The following KIAA1549L variants were observed in gnomAD, a reference collection of about 807,000 sequenced individuals.
KIAA1549L encodes UPF0606 protein KIAA1549L.
A neutral mutation model predicts 160.7 loss-of-function variants in KIAA1549L; 88 were observed. That is an observed-to-expected ratio of 0.55 (90% CI 0.46 to 0.65). The LOEUF is 0.65. Among genes scored for constraint, KIAA1549L ranks in the 30% least tolerant of loss-of-function variants. KIAA1549L has a pLI of 0.00. For synonymous variants in KIAA1549L, 950 were observed against 976.7 expected, an observed-to-expected ratio of 0.97 and a Z score of 0.51; for missense variants, 2,258 against 2,437.5, an observed-to-expected ratio of 0.93 and a Z score of 1.55.
At chr11:33,456,240 T>C (rs961719258) in intron 1 of KIAA1549L, among the ~76,000 whole-genome samples, 2 of 152,202 alleles carry the variant, frequency 1.3e-5, no homozygotes, top group East Asian at 1.9e-4. Context: ...TAATTAATTT[T>C]TCCCCCTAGG....
Position 33,514,160 on chromosome 11 carries a change from T to C in KIAA1549L, c.239-27642T>C, listed in dbSNP as rs113616227. The stretch of plus-strand genomic sequence containing the variant: ...TGGAGGAATCTGGTCTACCTAAAGA[T>C]TGACAACCTGGAAAAGCACCAGAGG... On this transcript the variant is annotated intron_variant, in intron 1 of 20. Transcript: ENST00000658780. Among the ~76,000 whole-genome samples, 1,043 of 152,282 alleles carry C rather than the reference T, an allele frequency of 6.8e-3. 8 individuals are homozygous for C. Among genetic ancestry groups the C allele is most frequent in the South Asian group, 0.014 (67 of 4,820 alleles).
chr11:33,389,763 T>G (rs1314323719), intron 1 of KIAA1549L, among the ~76,000 whole-genome samples: 1 of 152,248 alleles, frequency 6.6e-6, no homozygotes, highest in East Asian at 1.9e-4. Context: ...GGTACAACAG[T>G]TCACGGTTGT....
chr11:33,457,967 G>A (rs1384368535), intron 1 of KIAA1549L, among the ~76,000 whole-genome samples: 2 of 152,176 alleles, frequency 1.3e-5, no homozygotes, highest in Non-Finnish European at 2.9e-5. Context: ...CCCAGGACCC[G>A]AGTTCCATGT....
intron 1 of KIAA1549L, among the ~76,000 whole-genome samples, chr11:33,488,647 C>T (rs73487021): frequency 0.017 from 2,526 of 152,228 alleles, 57 homozygotes; most frequent in African/African-American, 0.057. Flanking sequence ...AATTAACTTG[C>T]CTACTAAGAT....
At chr11:33,434,821 C>A (rs1195343526) in intron 1 of KIAA1549L, among the ~76,000 whole-genome samples, 1 of 152,136 alleles carries the variant, frequency 6.6e-6, no homozygotes, top group African/African-American at 2.4e-5. Context: ...GCCACTGGAC[C>A]CCTAGAAATT....
At chr11:33,428,339 A>T (rs1165307199) in intron 1 of KIAA1549L, among the ~76,000 whole-genome samples, 1 of 150,410 alleles carries the variant, frequency 6.6e-6, no homozygotes, top group Non-Finnish European at 1.5e-5. Context: ...GTTCTAGGGT[A>T]CATGTGCACA....
intron 10 of KIAA1549L, among the ~76,000 whole-genome samples, chr11:33,577,923 G>C (rs1213825470): frequency 1.3e-5 from 2 of 152,142 alleles, no homozygotes; most frequent in Non-Finnish European, 2.9e-5. Flanking sequence ...TAACACTTCT[G>C]TTCCGGCCAT....
intron 1 of KIAA1549L, among the ~76,000 whole-genome samples, chr11:33,485,576 T>C (rs751546138): frequency 2.0e-5 from 3 of 152,238 alleles, no homozygotes; most frequent in African/African-American, 4.8e-5. Flanking sequence ...TATGTATACA[T>C]TGTGGAATGA....
In KIAA1549L at chr11:33,667,931, C is replaced by T; in HGVS notation, c.6218C>T (p.Pro2073Leu). Residue 2073 changes from proline (P) to leucine (L), a missense_variant, in exon 21 of 21, where the codon CCC (proline) becomes CTC (leucine). By Grantham distance (98) the Pro-to-Leu change is moderately conservative. Around this residue, in one of 6 missense-constraint regions of KIAA1549L, gnomAD observed 1,359 missense variants for 1,546.6 expected, o/e 0.88. Coordinates refer to ENST00000658780, the MANE Select transcript of KIAA1549L (RefSeq NM_012194.3). The stretch of plus-strand genomic sequence containing the variant: ...CGATCACGGTACCCCCAGAGCTCTC[C>T]CTCCAGGCTTCCTCGTCAGTACAGC... ...YPRSRYPQSS[P>L]SRLPRQYSQP... The T allele has an allele frequency of 6.2e-7, 1 of 1,613,784 alleles. No individual in the cohort carries two copies. Among genetic ancestry groups the T allele is most frequent in the Non-Finnish European group, 8.5e-7 (1 of 1,179,832 alleles).
At chr11:33,614,572 ATATATATATATATTT>A (rs1564924907) in intron 15 of KIAA1549L, among the ~76,000 whole-genome samples, 1 of 14,902 alleles carries the variant, frequency 6.7e-5, no homozygotes, top group African/African-American at 8.2e-4. Flanking sequence ...ATATATATAT[ATATATATATATATTT>A]TTTTTTTTTT....
intron 1 of KIAA1549L, among the ~76,000 whole-genome samples, chr11:33,465,500 C>T (rs1351226351): frequency 1.3e-5 from 2 of 152,168 alleles, no homozygotes; most frequent in African/African-American, 4.8e-5. Flanking sequence ...TTACAGCCTC[C>T]TGTAGATCTG....
chr11:33,588,169 T>A (rs1032775119), intron 11 of KIAA1549L, among the ~76,000 whole-genome samples: 3 of 152,212 alleles, frequency 2.0e-5, no homozygotes, highest in Non-Finnish European at 4.4e-5. Flanking sequence ...ATACTGTCTT[T>A]AGTACTGTGC....
intron 12 of KIAA1549L, among the ~76,000 whole-genome samples, chr11:33,594,735 G>T (rs1029254143): frequency 6.6e-6 from 1 of 152,146 alleles, no homozygotes; most frequent in Non-Finnish European, 1.5e-5. Flanking sequence ...AACAAATTAG[G>T]ACCAAGAGAT....
chr11:33,455,102 AAAC>A (rs1322518806), intron 1 of KIAA1549L, among the ~76,000 whole-genome samples: 2 of 152,174 alleles, frequency 1.3e-5, no homozygotes, highest in Non-Finnish European at 1.5e-5. Flanking sequence ...AAACAAAACA[AAAC>A]AAAACAAAAA....
At chr11:33,497,035 C>G (rs1030947245) in intron 1 of KIAA1549L, among the ~76,000 whole-genome samples, 1 of 152,146 alleles carries the variant, frequency 6.6e-6, no homozygotes, top group Non-Finnish European at 1.5e-5. Flanking sequence ...GCTACTACCC[C>G]TTACCACTCA....
chr11:33,616,499 C>T (rs1850812419), intron 15 of KIAA1549L, among the ~76,000 whole-genome samples: 1 of 152,122 alleles, frequency 6.6e-6, no homozygotes, highest in Admixed American at 6.5e-5. Context: ...CCCCAAGTGA[C>T]ATCATGATGC....
intron 1 of KIAA1549L, among the ~76,000 whole-genome samples, chr11:33,472,609 A>G (rs1852203964): frequency 6.6e-6 from 1 of 152,190 alleles, no homozygotes; most frequent in Non-Finnish European, 1.5e-5. Flanking sequence ...TTTCTGTTAC[A>G]GAGGCTCCTG....
Position 33,476,298 on chromosome 11 carries a change from C to T in KIAA1549L, c.239-65504C>T, listed in dbSNP as rs541226575. On this transcript the variant is annotated intron_variant, in intron 1 of 20. Transcript: ENST00000658780. ...ATGAATGGGGGTGTGTGCTCATTGGCGAAGCTCACCTCCATCTCTCTCTGT... is the reference window on the plus strand; with the variant it reads ...ATGAATGGGGGTGTGTGCTCATTGGTGAAGCTCACCTCCATCTCTCTCTGT... Among the ~76,000 whole-genome samples, 31 of 152,040 alleles carry T rather than the reference C, an allele frequency of 2.0e-4. 3 individuals carry two copies. The South Asian group carries it at 5.8e-3, about 29-fold the overall frequency.
chr11:33,474,866 G>A (rs1045903922), intron 1 of KIAA1549L, among the ~76,000 whole-genome samples: 24 of 152,214 alleles, frequency 1.6e-4, no homozygotes, highest in African/African-American at 4.6e-4. Flanking sequence ...ACACTCCAGC[G>A]TGAGGAATGG....
Sources: gnomAD v4.1 joint callset for allele counts (sites outside exome capture counted in the v4.1 genomes callset) on GRCh38, gnomAD v4.1.1 for gene constraint, gnomAD v4.1.1 regional missense constraint, MANE v1.5 for transcripts, NCBI Gene and HGNC (gene_info 2026-07-23, HGNC 2026-07-21) for gene names.